ANKRD40: variants seen among roughly 807,000 people sequenced by gnomAD.
ANKRD40 encodes the protein ankyrin repeat domain-containing protein 40.
A neutral mutation model predicts 35.5 loss-of-function variants in ANKRD40; 24 were observed. The observed-to-expected ratio is 0.68, with a 90% confidence interval of 0.49 to 0.95. The LOEUF (loss-of-function observed/expected upper bound fraction) is 0.95. Ranked by LOEUF, ANKRD40 falls within the 40% of genes least tolerant of loss-of-function variation. The pLI, the probability that ANKRD40 is intolerant of heterozygous loss-of-function variation, is 0.00. For missense variants in ANKRD40, 361 were observed against 436.0 expected, an observed-to-expected ratio of 0.83 and a Z score of 1.53; for synonymous variants, 147 against 173.5, an observed-to-expected ratio of 0.85 and a Z score of 1.20.
At chr17:50,698,592 C>T (rs768077348) in intron 3 of ANKRD40, among the ~76,000 whole-genome samples, 3 of 152,086 alleles carry the variant, frequency 2.0e-5, no homozygotes, top group Non-Finnish European at 4.4e-5. Flanking sequence ...ACTAAAACAA[C>T]GTGATAACTA....
In ANKRD40 at chr17:50,699,902, G is replaced by A; in HGVS notation, c.284-9C>T. The A allele has an allele frequency of 1.3e-6, 2 of 1,497,372 alleles. No homozygotes were observed. Among genetic ancestry groups the A allele is most frequent in the Non-Finnish European group, 1.8e-6 (2 of 1,124,716 alleles). 92.8% of individuals were successfully genotyped at this position (1,497,372 alleles called of 1,614,324 possible). On this transcript the variant is annotated splice_polypyrimidine_tract_variant and intron_variant, in intron 2 of 4. Coordinates refer to ENST00000285243, the MANE Select transcript of ANKRD40 (RefSeq NM_052855.4). Reference sequence around the variant, plus strand: ...ATCATCTTCTTCTTCCACTTAAAAAGAAGAAAACAGAACATTTACACAGTC... The same window carrying A: ...ATCATCTTCTTCTTCCACTTAAAAAAAAGAAAACAGAACATTTACACAGTC...
rs1486564757 is a variant in ANKRD40, at chr17:50,699,688, C to A, written c.489G>T (p.Leu163Phe). 1.2e-6 allele frequency: 2 copies of A among 1,613,958 alleles called. No homozygotes were observed. Among genetic ancestry groups the A allele is most frequent in the Non-Finnish European group, 1.7e-6 (2 of 1,179,984 alleles). The change falls in exon 3 of 5, where the codon TTG (leucine) becomes TTT (phenylalanine). Residue 163 changes from leucine (L) to phenylalanine (F), a missense_variant. Physicochemically the swap from Leu to Phe is conservative, Grantham distance 22 (BLOSUM62 0). Transcript: ENST00000285243. ...ACAGGGGAGGTTCCCCAGGGGGAAG[C>A]AATGGAGGTGAGCCATCTGCAGGGG... Reference protein sequence around the residue: ...ASPPADGSPPLLPPGEPPLLG... With the variant: ...ASPPADGSPPFLPPGEPPLLG...
Position 50,707,446 on chromosome 17 carries a change from C to T in ANKRD40, c.134+75G>A. On this transcript the variant is annotated intron_variant, in intron 1 of 4. Coordinates refer to ENST00000285243, the MANE Select transcript of ANKRD40 (RefSeq NM_052855.4). This position sits in a 1 kb window ranked among gnomAD's most constrained non-coding sequence, Gnocchi z 4.8. ...CCGTAGCCAGGCGTCCCGCGCTGGGCCCAGGTCGCGACTGACTGCCCCACG... is the reference window on the plus strand; with the variant it reads ...CCGTAGCCAGGCGTCCCGCGCTGGGTCCAGGTCGCGACTGACTGCCCCACG... 1.3e-6 allele frequency: 2 copies of T among 1,546,106 alleles called. No homozygotes were observed. Among genetic ancestry groups the T allele is most frequent in the South Asian group, 2.3e-5 (2 of 86,130 alleles).
Position 50,707,720 on chromosome 17 carries a change from C to G in ANKRD40, c.-66G>C, listed in dbSNP as rs962783271. On this transcript the variant is annotated 5_prime_UTR_variant, in exon 1 of 5. Coordinates refer to ENST00000285243, the MANE Select transcript of ANKRD40 (RefSeq NM_052855.4). The surrounding 1 kb of genome is among the most constrained non-coding windows in gnomAD (Gnocchi z 4.8). Reference sequence around the variant, plus strand: ...CGCCCCGCCCGGGGCCTGTCAGCGCCGCCGCCGTCGCCGCGGCCCGCTCCC... The same window carrying G: ...CGCCCCGCCCGGGGCCTGTCAGCGCGGCCGCCGTCGCCGCGGCCCGCTCCC... 163 of 1,141,214 alleles carry G rather than the reference C, an allele frequency of 1.4e-4. No individual in the cohort carries two copies. The highest frequency in any genetic ancestry group is 1.7e-4 in the Non-Finnish European group (157 of 921,738). The allele number at this position is 1,141,214 out of a possible 1,614,324, so 70.7% of individuals were successfully genotyped here. A position where few individuals can be genotyped will look rare whatever the true frequency, so the allele number is the denominator to read the frequency against.
intron 2 of ANKRD40, 35 bp downstream of exon 2, chr17:50,700,533 G>A: frequency 6.2e-7 from 1 of 1,607,304 alleles, no homozygotes; most frequent in Non-Finnish European, 8.5e-7. Flanking sequence ...CAATGAGTCT[G>A]AGGAAATCAA....
At chr17:50,706,519 T>G (rs994813956) in intron 1 of ANKRD40, among the ~76,000 whole-genome samples, 6 of 152,170 alleles carry the variant, frequency 3.9e-5, no homozygotes, top group Middle Eastern at 3.4e-3. Context: ...AGCAACATCT[T>G]AAGATGAGAC....
At position 50,694,184 on chromosome 17, in the gene ANKRD40, G is replaced by C. The variant is rs1044284929; in HGVS notation, c.*1813C>G. The C allele has an allele frequency of 4.1e-5, 6 of 147,542 alleles. No homozygotes were observed. The highest frequency in any genetic ancestry group is 7.4e-5 in the Non-Finnish European group (5 of 67,162). 9.1% of individuals were successfully genotyped at this position (147,542 alleles called of 1,614,324 possible). A position where few individuals can be genotyped will look rare whatever the true frequency, so the allele number is the denominator to read the frequency against. On this transcript the variant is annotated 3_prime_UTR_variant, in exon 5 of 5. Coordinates refer to ENST00000285243, the MANE Select transcript of ANKRD40 (RefSeq NM_052855.4). ...GGTTTCTTCTTTAAAGCACTTGAGA[G>C]AAAGAGGGTAATAAGTAACCTTCAC...
At chr17:50,700,165 C>T (rs192485399) in intron 2 of ANKRD40, 17 of 319,916 alleles carry the variant, frequency 5.3e-5, no homozygotes, top group Admixed American at 3.1e-4. Context: ...GAACAGTTGC[C>T]GGGAGCGGTG....
At chr17:50,700,748 G>C (rs568923021) in intron 1 of ANKRD40, 32 bp from the exon 2 acceptor site, 3 of 1,579,694 alleles carry the variant, frequency 1.9e-6, no homozygotes, top group Non-Finnish European at 2.6e-6. Flanking sequence ...TTGAAAAAGA[G>C]GAGAAGTGAT....
At chr17:50,704,092 G>T (rs1968301151) in intron 1 of ANKRD40, among the ~76,000 whole-genome samples, 1 of 151,964 alleles carries the variant, frequency 6.6e-6, no homozygotes, top group South Asian at 2.1e-4. Context: ...AAGGGTTCTG[G>T]CCTGAGCACT....
rs142677234 is a variant in ANKRD40, at chr17:50,699,525, A to G, written c.652T>C (p.Ser218Pro). 2.2e-3 allele frequency: 3,477 copies of G among 1,614,210 alleles called. 84 individuals carry two copies. In the East Asian group the frequency reaches 0.041, roughly 19 times the overall value. The change falls in exon 3 of 5, where the codon TCC becomes CCC. Residue 218 changes from serine (S) to proline (P), a missense_variant. By Grantham distance (74) the Ser-to-Pro change is moderately conservative (BLOSUM62 -1). Coordinates refer to ENST00000285243, the MANE Select transcript of ANKRD40 (RefSeq NM_052855.4). The part of the protein sequence containing the change: ...VCQPPVSQSR[S>P]LFSSVPSKPP... ...TTGGACGGGACAGAAGAAAACAGGG[A>G]GCGGCTCTGACTCACTGGTGGCTGA...
intron 3 of ANKRD40, 71 bp from the exon 4 acceptor site, chr17:50,697,192 C>A: frequency 7.2e-7 from 1 of 1,393,540 alleles, no homozygotes. Flanking sequence ...AAGATCTTTT[C>A]CAGAAGATGG....
At chr17:50,696,665 GT>G (rs532890106) in intron 4 of ANKRD40, 121 of 293,970 alleles carry the variant, frequency 4.1e-4, no homozygotes, top group African/African-American at 2.6e-3. Context: ...ATGCAATGGT[GT>G]TTACAACTAG....
chr17:50,704,871 T>C (rs550541850), intron 1 of ANKRD40, among the ~76,000 whole-genome samples: 181 of 152,124 alleles, frequency 1.2e-3, no homozygotes, highest in African/African-American at 4.2e-3. Flanking sequence ...TCCCAGAACT[T>C]TGGGAGGCAG....
At position 50,707,477 on chromosome 17, in the gene ANKRD40, C is replaced by G; in HGVS notation, c.134+44G>C. 6.3e-7 allele frequency: 1 copy of G among 1,583,448 alleles called. No individual in the cohort carries two copies. On this transcript the variant is annotated intron_variant, in intron 1 of 4. Transcript: ENST00000285243. This position sits in a 1 kb window ranked among gnomAD's most constrained non-coding sequence, Gnocchi z 4.8. ...TCGCGACTGACTGCCCCACGCCTTC[C>G]GACCGGCTGCCCTGACCCTAGGCCT... is the stretch of plus-strand genomic sequence containing the variant.
intron 1 of ANKRD40, among the ~76,000 whole-genome samples, chr17:50,705,293 C>A (rs1968319155): frequency 6.6e-6 from 1 of 152,004 alleles, no homozygotes; most frequent in Admixed American, 6.6e-5. Context: ...GGAGGAGAAC[C>A]TGCAGGAAAG....
In ANKRD40 at chr17:50,707,458, C is replaced by A; in HGVS notation, c.134+63G>T. ...GTCCCGCGCTGGGCCCAGGTCGCGACTGACTGCCCCACGCCTTCCGACCGG... is the reference window on the plus strand; with the variant it reads ...GTCCCGCGCTGGGCCCAGGTCGCGAATGACTGCCCCACGCCTTCCGACCGG... On this transcript the variant is annotated intron_variant, in intron 1 of 4. Coordinates refer to ENST00000285243, the MANE Select transcript of ANKRD40 (RefSeq NM_052855.4). This position sits in a 1 kb window ranked among gnomAD's most constrained non-coding sequence, Gnocchi z 4.8. The A allele has an allele frequency of 6.4e-7, 1 of 1,564,766 alleles. No homozygotes were observed. The highest frequency in any genetic ancestry group is 1.7e-4 in the Middle Eastern group (1 of 5,894).
At chr17:50,699,939 A>G (rs1250944994) in intron 2 of ANKRD40, 46 bp from the exon 3 acceptor site, 3 of 1,419,520 alleles carry the variant, frequency 2.1e-6, no homozygotes, top group African/African-American at 2.9e-5. Flanking sequence ...TTTCAAAATT[A>G]TCAAAACAAG....
At chr17:50,704,829 A>G (rs2146659906) in intron 1 of ANKRD40, among the ~76,000 whole-genome samples, 1 of 152,208 alleles carries the variant, frequency 6.6e-6, no homozygotes, top group Non-Finnish European at 1.5e-5. Flanking sequence ...ACCCTATCTG[A>G]GCTGGCCGGG....
Sources: allele counts gnomAD v4.1 joint callset (sites outside exome capture counted in the v4.1 genomes callset), GRCh38; gene constraint gnomAD v4.1.1; non-coding constraint Gnocchi (gnomAD v3.1); transcripts MANE v1.5; gene names NCBI Gene and HGNC (gene_info 2026-07-23, HGNC 2026-07-21).